Variants in CDKAL1 observed in about 807,000 individuals in gnomAD.
CDKAL1 encodes threonylcarbamoyladenosine tRNA methylthiotransferase.
CDKAL1 carries 32 observed loss-of-function variants against 68.2 expected under a neutral mutation model. The observed-to-expected ratio is 0.47, with a 90% confidence interval of 0.35 to 0.63. The LOEUF (loss-of-function observed/expected upper bound fraction) is 0.63, where lower values mean the gene tolerates loss of function less well. CDKAL1 is among the 30% of genes least tolerant of loss of function. The pLI is 0.00. For missense variants in CDKAL1, 606 were observed against 696.7 expected, an observed-to-expected ratio of 0.87 and a Z score of 1.47; for synonymous variants, 234 against 244.3, an observed-to-expected ratio of 0.96 and a Z score of 0.39.
At chr6:20,923,030 A>AT (rs1763025250) in intron 9 of CDKAL1, among the ~76,000 whole-genome samples, 2 of 152,200 alleles carry the variant, frequency 1.3e-5, no homozygotes, top group Admixed American at 1.3e-4. Context: ...AGATAAAGTG[A>AT]TTTTAAAAGG....
intron 11 of CDKAL1, among the ~76,000 whole-genome samples, chr6:21,008,276 A>G (rs1767835925): frequency 6.6e-6 from 1 of 152,138 alleles, no homozygotes; most frequent in Admixed American, 6.5e-5. Flanking sequence ...GTAGTAGATG[A>G]AGTTATAGGT....
intron 9 of CDKAL1, among the ~76,000 whole-genome samples, chr6:20,886,330 T>A (rs1304852653): frequency 2.0e-5 from 3 of 152,200 alleles, no homozygotes; most frequent in African/African-American, 7.2e-5. Context: ...ACAATGTGAC[T>A]GTTTCTTAAA....
chr6:21,176,989 G>A (rs1252888878), intron 13 of CDKAL1, among the ~76,000 whole-genome samples: 1 of 152,002 alleles, frequency 6.6e-6, no homozygotes, highest in Non-Finnish European at 1.5e-5. Context: ...GAGCCACTGC[G>A]CCTGGCCAGA....
chr6:21,200,543 C>T (rs1458694924), intron 14 of CDKAL1, among the ~76,000 whole-genome samples: 9 of 152,198 alleles, frequency 5.9e-5, no homozygotes. Context: ...CAAACCATTA[C>T]TCTGACAGCT....
intron 11 of CDKAL1, among the ~76,000 whole-genome samples, chr6:21,048,208 A>G (rs1342717497): frequency 2.0e-5 from 3 of 152,198 alleles, no homozygotes; most frequent in African/African-American, 7.2e-5. Context: ...AAGCAGCCAT[A>G]AACAGTATGA....
chr6:21,231,076 A>AT lies in CDKAL1; in HGVS notation c.*40dup. The AT allele has an allele frequency of 6.8e-7, 1 of 1,467,318 alleles. No homozygotes were observed. Among genetic ancestry groups the AT allele is most frequent in the Non-Finnish European group, 9.3e-7 (1 of 1,073,766 alleles). 90.9% of individuals were successfully genotyped at this position (1,467,318 alleles called of 1,614,324 possible). A position where few individuals can be genotyped will look rare whatever the true frequency, so the allele number is the denominator to read the frequency against. On this transcript the variant is annotated 3_prime_UTR_variant, in exon 16 of 16. Transcript: ENST00000274695. ...TGGAAACATCTATAAAGAAGAATAC[A>AT]TTTCTAATTAAAATCTTCAATGAAC...
intron 12 of CDKAL1, among the ~76,000 whole-genome samples, chr6:21,097,345 C>T (rs1773366882): frequency 6.6e-6 from 1 of 152,186 alleles, no homozygotes; most frequent in African/African-American, 2.4e-5. Context: ...TGGCAGGCAC[C>T]TGTAGCCCCA....
chr6:21,188,107 G>A (rs997880927), intron 13 of CDKAL1, among the ~76,000 whole-genome samples: 1 of 152,000 alleles, frequency 6.6e-6, no homozygotes, highest in Non-Finnish European at 1.5e-5. Flanking sequence ...TTACTGTTTT[G>A]TAAAGGCTCT....
intron 10 of CDKAL1, among the ~76,000 whole-genome samples, chr6:20,967,844 G>A (rs570393156): frequency 7.2e-5 from 11 of 152,220 alleles, no homozygotes; most frequent in Admixed American, 1.3e-4. Flanking sequence ...ACTTAATTTC[G>A]TCTTCATTTT....
intron 9 of CDKAL1, among the ~76,000 whole-genome samples, chr6:20,927,948 G>A (rs1285002384): frequency 6.6e-6 from 1 of 152,228 alleles, no homozygotes; most frequent in East Asian, 1.9e-4. Flanking sequence ...TGATAATTGA[G>A]ATGTTTCTTA....
At chr6:20,974,117 G>A (rs1765728444) in intron 10 of CDKAL1, among the ~76,000 whole-genome samples, 1 of 152,214 alleles carries the variant, frequency 6.6e-6, no homozygotes, top group South Asian at 2.1e-4. Flanking sequence ...ATTCTCTAGA[G>A]GATTTGCTGT....
intron 9 of CDKAL1, among the ~76,000 whole-genome samples, chr6:20,942,438 GCTCA>G (rs1287412978): frequency 1.1e-4 from 16 of 149,074 alleles, no homozygotes; most frequent in African/African-American, 3.9e-4. Flanking sequence ...CGTGATCTCG[GCTCA>G]CTGCAACCTT....
At chr6:20,697,586 A>G (rs1226911589) in intron 5 of CDKAL1, among the ~76,000 whole-genome samples, 3 of 152,222 alleles carry the variant, frequency 2.0e-5, no homozygotes, top group East Asian at 1.9e-4. Flanking sequence ...GATAAAAGCC[A>G]TATACATCCT....
At position 20,766,576 on chromosome 6, in the gene CDKAL1, G is replaced by A. The variant is rs189526067; in HGVS notation, c.517+7933G>A. On this transcript the variant is annotated intron_variant, in intron 7 of 15. Coordinates refer to ENST00000274695, the MANE Select transcript of CDKAL1 (RefSeq NM_017774.3). ...TAATTACACTTACACATTAACTCTT[G>A]TGAATCCTGGTAGTGTTTTGGCAGA... Among the ~76,000 whole-genome samples, 41 of 152,246 alleles carry A rather than the reference G, an allele frequency of 2.7e-4. 1 individual carries two copies. The highest frequency in any genetic ancestry group is 9.4e-4 in the African/African-American group (39 of 41,556).
At chr6:21,201,368 G>A in intron 15 of CDKAL1, 94 bp downstream of exon 15, 1 of 1,140,806 alleles carries the variant, frequency 8.8e-7, no homozygotes. Context: ...ATCATTTATA[G>A]TTCCCTTTTT....
At chr6:20,873,060 GC>G (rs1760306353) in intron 9 of CDKAL1, among the ~76,000 whole-genome samples, 1 of 152,176 alleles carries the variant, frequency 6.6e-6, no homozygotes, top group African/African-American at 2.4e-5. Context: ...AAATACAGCT[GC>G]CCGTTCCAAA....
chr6:21,093,750 C>A (rs1773176883), intron 12 of CDKAL1, among the ~76,000 whole-genome samples: 1 of 116,950 alleles, frequency 8.6e-6, no homozygotes, highest in Non-Finnish European at 1.6e-5. Context: ...CAGGGCCTCT[C>A]TGTCTTCCAG....
At chr6:20,977,593 C>T (rs1025457910) in intron 10 of CDKAL1, among the ~76,000 whole-genome samples, 2 of 152,160 alleles carry the variant, frequency 1.3e-5, no homozygotes, top group African/African-American at 4.8e-5. Flanking sequence ...TTTATATAGG[C>T]TGGGCATGGT....
intron 11 of CDKAL1, among the ~76,000 whole-genome samples, chr6:21,046,190 T>C (rs1770219066): frequency 6.6e-6 from 1 of 152,264 alleles, no homozygotes; most frequent in African/African-American, 2.4e-5. Flanking sequence ...TGTTAGAAGA[T>C]GCCACACTAT....
Sources: allele counts gnomAD v4.1 joint callset (sites outside exome capture counted in the v4.1 genomes callset), GRCh38; gene constraint gnomAD v4.1.1; transcripts MANE v1.5; gene names NCBI Gene and HGNC (gene_info 2026-07-23, HGNC 2026-07-21).